Variants in PCDHA11 observed in about 807,000 individuals in gnomAD.
PCDHA11 encodes the protein protocadherin alpha-11.
In PCDHA11, 61 loss-of-function variants were observed where a neutral mutation model predicts 70.3. The ratio of observed to expected loss-of-function variants is 0.87; its 90% CI spans 0.71 to 1.07. PCDHA11 has a LOEUF of 1.07. PCDHA11 is among the 50% of genes least tolerant of loss of function. The pLI is 0.00. For missense variants in PCDHA11, 1,324 were observed against 1,237.5 expected, an observed-to-expected ratio of 1.07 and a Z score of -1.05; for synonymous variants, 633 against 555.1, an observed-to-expected ratio of 1.14 and a Z score of -1.97.
At chr5:140,926,879 C>G in intron 1 of PCDHA11, 1 of 1,534,480 alleles carries the variant, frequency 6.5e-7, no homozygotes, top group Non-Finnish European at 8.8e-7. Flanking sequence ...GGAACGTGGA[C>G]GCCTAGAGGG....
intron 3 of PCDHA11, among the ~76,000 whole-genome samples, chr5:141,005,572 C>T (rs548748234): frequency 4.6e-5 from 7 of 151,094 alleles, no homozygotes; most frequent in East Asian, 1.9e-4. Context: ...CATGGTGGCG[C>T]GTGCCTGTAG....
At chr5:140,938,835 CA>C (rs2092222540) in intron 1 of PCDHA11, among the ~76,000 whole-genome samples, 1 of 152,008 alleles carries the variant, frequency 6.6e-6, no homozygotes, top group African/African-American at 2.4e-5. Flanking sequence ...TGCGTTATAA[CA>C]AACCTGCCCA....
intron 1 of PCDHA11, chr5:140,929,003 G>A: frequency 6.2e-7 from 1 of 1,614,106 alleles, no homozygotes; most frequent in South Asian, 1.1e-5. Flanking sequence ...TTCTTCGTGT[G>A]TACCAAGTTG....
chr5:140,883,761 G>C, intron 1 of PCDHA11: 1 of 1,612,908 alleles, frequency 6.2e-7, no homozygotes, highest in Non-Finnish European at 8.5e-7. Flanking sequence ...GTGGAGCGGC[G>C]GGTGGGCGAG....
chr5:140,871,247 T>C lies in PCDHA11; in HGVS notation c.2144T>C (p.Leu715Pro), dbSNP rs1340682715. Residue 715 changes from leucine (L) to proline (P), a missense_variant, in exon 1 of 4, where the codon CTG (leucine) becomes CCG (proline). Coordinates refer to ENST00000398640, the MANE Select transcript of PCDHA11 (RefSeq NM_018902.5). ...TCCAGCCTCCTGGTACTCACGCTGCTGCTGTATACGGCGCTGTGGTGGTCG... is the reference window on the plus strand; with the variant it reads ...TCCAGCCTCCTGGTACTCACGCTGCCGCTGTATACGGCGCTGTGGTGGTCG... Reference protein sequence around the residue: ...VVSSLLVLTLLLYTALWWSAT... With the variant: ...VVSSLLVLTLPLYTALWWSAT... 1 of 1,613,990 alleles carries C rather than the reference T, an allele frequency of 6.2e-7. No individual in the cohort carries two copies. The highest frequency in any genetic ancestry group is 8.5e-7 in the Non-Finnish European group (1 of 1,179,948).
chr5:140,953,901 A>G (rs1354951706), intron 1 of PCDHA11, among the ~76,000 whole-genome samples: 1 of 152,156 alleles, frequency 6.6e-6, no homozygotes, highest in Admixed American at 6.5e-5. Flanking sequence ...TATTAAGCCC[A>G]GCATCCATTA....
chr5:140,945,022 A>G (rs926595272), intron 1 of PCDHA11, among the ~76,000 whole-genome samples: 2 of 152,140 alleles, frequency 1.3e-5, no homozygotes, highest in Non-Finnish European at 2.9e-5. Flanking sequence ...TTTTTTACTC[A>G]GACATAATTA....
chr5:140,980,522 A>G (rs1341350940), intron 2 of PCDHA11, among the ~76,000 whole-genome samples: 2 of 152,074 alleles, frequency 1.3e-5, no homozygotes, highest in Non-Finnish European at 2.9e-5. Flanking sequence ...TCCAGCTACT[A>G]GGGAGGCTGA....
chr5:140,917,332 G>GA, intron 1 of PCDHA11, among the ~76,000 whole-genome samples: 1 of 145,644 alleles, frequency 6.9e-6, no homozygotes, highest in Non-Finnish European at 1.5e-5. Context: ...GGCGGGGGAG[G>GA]GGGGGGATGG....
At chr5:140,874,881 C>T (rs1316593398) in intron 1 of PCDHA11, among the ~76,000 whole-genome samples, 3 of 152,102 alleles carry the variant, frequency 2.0e-5, no homozygotes, top group Non-Finnish European at 2.9e-5. Context: ...AATACAAATT[C>T]CTAACTTTCT....
At chr5:141,000,361 GTCTC>G (rs148596731) in intron 3 of PCDHA11, among the ~76,000 whole-genome samples, 1,917 of 26,274 alleles carry the variant, frequency 0.073, 118 homozygotes, top group African/African-American at 0.11. Flanking sequence ...GTCTCTCTCT[GTCTC>G]TCTCTCTCTC....
At chr5:140,877,178 C>A (rs370071106) in intron 1 of PCDHA11, 34 of 1,613,676 alleles carry the variant, frequency 2.1e-5, no homozygotes, top group Middle Eastern at 1.7e-4. Context: ...CTGGCGACTC[C>A]GGCTGGCAGC....
intron 1 of PCDHA11, among the ~76,000 whole-genome samples, chr5:140,918,282 C>CT (rs1554198523): frequency 6.6e-6 from 1 of 152,016 alleles, no homozygotes; most frequent in African/African-American, 2.4e-5. Context: ...GATGTAGGAG[C>CT]TTTTTGGCAG....
chr5:141,009,303 T>A (rs1040786824), intron 3 of PCDHA11, among the ~76,000 whole-genome samples: 16 of 152,050 alleles, frequency 1.1e-4, no homozygotes, highest in East Asian at 1.9e-4. Flanking sequence ...AAATTTTTTT[T>A]AAAAAGCTAG....
chr5:140,882,438 C>A lies in PCDHA11; in HGVS notation c.2391+10944C>A, dbSNP rs782795158. On this transcript the variant is annotated intron_variant, in intron 1 of 3. Coordinates refer to ENST00000398640, the MANE Select transcript of PCDHA11 (RefSeq NM_018902.5). ...GCTCAGGACCTGGGGCTGGAGCTGG[C>A]GGAGCTGGTGCCGCGCCTGTTCCGG... 3.1e-6 allele frequency: 5 copies of A among 1,613,902 alleles called. No individual in the cohort carries two copies. In the Admixed American group the frequency reaches 5.0e-5, roughly 16 times the overall value.
chr5:140,994,747 G>A (rs2097648455), intron 3 of PCDHA11, among the ~76,000 whole-genome samples: 1 of 152,152 alleles, frequency 6.6e-6, no homozygotes, highest in Non-Finnish European at 1.5e-5. Context: ...ATGGCAAGTA[G>A]GATGTGGAGA....
chr5:140,941,251 C>CT (rs1177440606), intron 1 of PCDHA11, among the ~76,000 whole-genome samples: 1 of 121,786 alleles, frequency 8.2e-6, no homozygotes, highest in Non-Finnish European at 1.8e-5. Context: ...TTCTTTCTTT[C>CT]TTTCTCTTTC....
chr5:140,886,498 C>T (rs1415505049), intron 1 of PCDHA11, among the ~76,000 whole-genome samples: 1 of 151,920 alleles, frequency 6.6e-6, no homozygotes, highest in African/African-American at 2.4e-5. Context: ...ATATCTTTTT[C>T]CTTTTATGGA....
intron 1 of PCDHA11, among the ~76,000 whole-genome samples, chr5:140,898,780 C>A (rs1424563314): frequency 3.9e-5 from 6 of 152,106 alleles, no homozygotes; most frequent in African/African-American, 1.2e-4. Flanking sequence ...TTACCTTGGG[C>A]AGTATGGCCA....
Sources: allele counts gnomAD v4.1 joint callset (sites outside exome capture counted in the v4.1 genomes callset), GRCh38; gene constraint gnomAD v4.1.1; transcripts MANE v1.5; gene names NCBI Gene and HGNC (gene_info 2026-07-23, HGNC 2026-07-21).